Variants in ZNF341 observed in about 807,000 individuals in gnomAD.
The protein encoded by ZNF341 is zinc finger protein 341.
In ZNF341, 52 loss-of-function variants were observed where a neutral mutation model predicts 87.7. That is an observed-to-expected ratio of 0.59 (90% CI 0.47 to 0.75). The LOEUF (loss-of-function observed/expected upper bound fraction) is 0.75. Among genes scored for constraint, ZNF341 ranks in the 30% least tolerant of loss-of-function variants. ZNF341 has a pLI of 0.00. For missense variants in ZNF341, 977 were observed against 1,145.9 expected (o/e 0.85, Z 2.13); for synonymous variants, 459 against 472.7 (o/e 0.97, Z 0.38).
chr20:33,768,961 A>T (rs1331331356), intron 9 of ZNF341, among the ~76,000 whole-genome samples: 1 of 152,186 alleles, frequency 6.6e-6, no homozygotes, highest in African/African-American at 2.4e-5. Context: ...TGTTCAACAG[A>T]GGCCATGGAT....
At chr20:33,776,960 T>C (rs1174024039) in intron 10 of ZNF341, among the ~76,000 whole-genome samples, 1 of 151,966 alleles carries the variant, frequency 6.6e-6, no homozygotes, top group African/African-American at 2.4e-5. Context: ...ACACCTGGCC[T>C]GTATTTCCTA....
chr20:33,789,957 C>T (rs1380156300), intron 14 of ZNF341, among the ~76,000 whole-genome samples: 2 of 152,176 alleles, frequency 1.3e-5, no homozygotes, highest in East Asian at 3.9e-4. Flanking sequence ...GTCTCCAAGC[C>T]ACTCCTCAGT....
At chr20:33,761,644 G>A (rs75166532) in intron 7 of ZNF341, among the ~76,000 whole-genome samples, 2 of 152,172 alleles carry the variant, frequency 1.3e-5, no homozygotes, top group African/African-American at 2.4e-5. Flanking sequence ...GGCGGCTCCA[G>A]GGTTTGTTGA....
intron 8 of ZNF341, among the ~76,000 whole-genome samples, chr20:33,764,547 A>G (rs1397557512): frequency 1.3e-4 from 8 of 63,038 alleles, no homozygotes; most frequent in East Asian, 1.7e-3. Context: ...GTATGTGTAT[A>G]TATATATATA....
chr20:33,788,884 C>T lies in ZNF341; in HGVS notation c.1874C>T (p.Ser625Leu), dbSNP rs1192698032. 1.9e-6 allele frequency: 3 copies of T among 1,614,076 alleles called. No individual in the cohort carries two copies. The highest frequency in any genetic ancestry group is 2.2e-5 in the South Asian group (2 of 91,080). The change falls in exon 13 of 15, where the codon TCA (serine) becomes TTA (leucine). Residue 625 changes from serine to leucine, a missense_variant. Transcript: ENST00000375200. ...GCAGGTGAGAAGCCCTACAAATGCT[C>T]AGTGTGCGAGTCTGCGTTCAACCGC... Reference protein sequence around the residue: ...IHSGEKPYKCSVCESAFNRKD... With the variant: ...IHSGEKPYKCLVCESAFNRKD...
chr20:33,770,275 G>C lies in ZNF341; in HGVS notation c.1605G>C (p.Lys535Asn), dbSNP rs1383763618. The stretch of plus-strand genomic sequence containing the variant: ...TCCTGCCACAGCACAGCCCCAAGAA[G>C]GACAATGCCGTCTACAAGTAAGTGC... ...HSLLPQHSPK[K>N]DNAVYKCVKC... is the part of the protein sequence containing the mutation. Residue 535 changes from lysine (K) to asparagine (N), a missense_variant, in exon 10 of 15, where the codon AAG becomes AAC. By Grantham distance (94) the Lys-to-Asn change is moderately conservative. Coordinates refer to ENST00000375200, the MANE Select transcript of ZNF341 (RefSeq NM_001282933.2). 1 of 1,416,970 alleles carries C rather than the reference G, an allele frequency of 7.1e-7. No individual in the cohort carries two copies. The highest frequency in any genetic ancestry group is 3.7e-5 in the East Asian group (1 of 26,794). 87.8% of individuals were successfully genotyped at this position (1,416,970 alleles called of 1,614,324 possible). A position where few individuals can be genotyped will look rare whatever the true frequency, so the allele number is the denominator to read the frequency against.
At chr20:33,733,027 A>T (rs995509244) in intron 1 of ZNF341, among the ~76,000 whole-genome samples, 1 of 152,136 alleles carries the variant, frequency 6.6e-6, no homozygotes, top group African/African-American at 2.4e-5. Flanking sequence ...GCAGCTTCCT[A>T]GGAGATCTCA....
chr20:33,743,312 C>T (rs1163482810), intron 2 of ZNF341, among the ~76,000 whole-genome samples: 1 of 145,606 alleles, frequency 6.9e-6, no homozygotes, highest in Non-Finnish European at 1.5e-5. Flanking sequence ...GGATTACAGG[C>T]GTGAGCCACC....
chr20:33,789,729 A>G (rs576068175), intron 14 of ZNF341, 141 bp downstream of exon 14: 2 of 882,728 alleles, frequency 2.3e-6, no homozygotes, highest in East Asian at 2.7e-5. Context: ...ACTTTCACTT[A>G]TGTGGGCTAT....
At chr20:33,790,825 C>T (rs59976288) in intron 14 of ZNF341, among the ~76,000 whole-genome samples, 163 bp from the exon 15 acceptor site, 2,370 of 152,226 alleles carry the variant, frequency 0.016, 55 homozygotes, top group African/African-American at 0.053. Flanking sequence ...GTGTGGCTGG[C>T]GCAGAGAGTG....
chr20:33,774,760 G>T (rs1431954750), intron 10 of ZNF341, among the ~76,000 whole-genome samples: 2 of 152,122 alleles, frequency 1.3e-5, no homozygotes, highest in Non-Finnish European at 2.9e-5. Flanking sequence ...TTGAGGCCAG[G>T]AGTTCAAAAC....
chr20:33,770,704 G>A (rs2019512850), intron 10 of ZNF341, among the ~76,000 whole-genome samples: 1 of 152,100 alleles, frequency 6.6e-6, no homozygotes, highest in Non-Finnish European at 1.5e-5. Context: ...GAATGGGCAG[G>A]GTGTGGCGGC....
intron 5 of ZNF341, among the ~76,000 whole-genome samples, chr20:33,754,117 A>G (rs972632035): frequency 1.3e-5 from 2 of 152,186 alleles, no homozygotes; most frequent in Non-Finnish European, 2.9e-5. Flanking sequence ...AATCACTTCT[A>G]TTGGCCAAAG....
intron 10 of ZNF341, among the ~76,000 whole-genome samples, chr20:33,773,265 G>A (rs2019563751): frequency 6.6e-6 from 1 of 152,150 alleles, no homozygotes; most frequent in African/African-American, 2.4e-5. Context: ...TGAGATCTTG[G>A]AAGCCTCATA....
At chr20:33,741,072 G>A in intron 2 of ZNF341, 60 bp downstream of exon 2, 2 of 1,502,978 alleles carry the variant, frequency 1.3e-6, no homozygotes, top group South Asian at 2.3e-5. Flanking sequence ...AAGAGTAGGT[G>A]GAGCTTGTGC....
chr20:33,751,496 G>A (rs986206498), intron 4 of ZNF341, among the ~76,000 whole-genome samples: 1 of 152,162 alleles, frequency 6.6e-6, no homozygotes, highest in Non-Finnish European at 1.5e-5. Context: ...CAGCAGTGAA[G>A]TCTAGCAACA....
chr20:33,750,705 A>T (rs2122657619), intron 4 of ZNF341, among the ~76,000 whole-genome samples: 1 of 151,844 alleles, frequency 6.6e-6, no homozygotes, highest in African/African-American at 2.4e-5. Flanking sequence ...CAGTGGCACC[A>T]TCTCGGCTCA....
intron 12 of ZNF341, chr20:33,787,355 C>T (rs2019889151): frequency 6.6e-6 from 1 of 152,122 alleles, no homozygotes; most frequent in African/African-American, 2.4e-5. Context: ...GAGATCTTTC[C>T]AGATCAGGAA....
At position 33,740,934 on chromosome 20, in the gene ZNF341, T is replaced by G; in HGVS notation, c.64T>G (p.Ser22Ala). ...CAATCAGACCGTTCTGGCTGTCCAG[T>G]CATTATTGGATGGCCAAGGAGCAGT... is the stretch of plus-strand genomic sequence containing the variant. ...MDNQTVLAVQ[S>A]LLDGQGAVPD... The change falls in exon 2 of 15, where the codon TCA (serine) becomes GCA (alanine). Residue 22 changes from serine (S) to alanine (A), a missense_variant. Ser to Ala is a moderately conservative substitution (Grantham distance 99). This residue lies in a region of ZNF341 where 515 missense variants were observed against 598.2 expected (regional missense o/e 0.86). Transcript: ENST00000375200. The G allele has an allele frequency of 1.2e-6, 2 of 1,614,180 alleles. No individual in the cohort carries two copies. Among genetic ancestry groups the G allele is most frequent in the South Asian group, 2.2e-5 (2 of 91,082 alleles).
Sources: allele counts gnomAD v4.1 joint callset (sites outside exome capture counted in the v4.1 genomes callset), GRCh38; gene constraint gnomAD v4.1.1; regional missense constraint gnomAD v4.1.1; transcripts MANE v1.5; gene names NCBI Gene and HGNC (gene_info 2026-07-23, HGNC 2026-07-21).